Variants in PALLD observed in about 807,000 individuals in gnomAD.
PALLD encodes palladin.
Under a neutral mutation model 123.5 loss-of-function variants are expected in PALLD, and 61 were observed. The ratio of observed to expected loss-of-function variants is 0.49; its 90% CI spans 0.40 to 0.61. The LOEUF is 0.61. Ranked by LOEUF, PALLD falls within the 20% of genes least tolerant of loss-of-function variation. The pLI is 0.00. For synonymous variants in PALLD, 465 were observed against 496.4 expected, an observed-to-expected ratio of 0.94 and a Z score of 0.84; for missense variants, 1,273 against 1,377.0, an observed-to-expected ratio of 0.92 and a Z score of 1.20.
chr4:168,811,981 G>A (rs1741235314), intron 10 of PALLD, among the ~76,000 whole-genome samples: 1 of 152,128 alleles, frequency 6.6e-6, no homozygotes, highest in Admixed American at 6.5e-5. Flanking sequence ...GATAAGAAAG[G>A]TGGTTGCTAT....
chr4:168,921,410 A>AAAG (rs1761480109), intron 17 of PALLD, 124 bp from the exon 18 acceptor site: 1 of 488,168 alleles, frequency 2.0e-6, no homozygotes, highest in East Asian at 3.6e-5. Flanking sequence ...TCTGTCCAAA[A>AAAG]AAAAAAAAAA....
chr4:168,782,249 A>G (rs546252439), intron 10 of PALLD, among the ~76,000 whole-genome samples: 78 of 152,242 alleles, frequency 5.1e-4, no homozygotes, highest in African/African-American at 1.8e-3. Flanking sequence ...CTGTTAGCCA[A>G]CTCTTTTTGA....
intron 2 of PALLD, among the ~76,000 whole-genome samples, chr4:168,558,843 G>T (rs570599663): frequency 6.6e-6 from 1 of 152,126 alleles, no homozygotes; most frequent in Non-Finnish European, 1.5e-5. Context: ...AAATACCAAA[G>T]GAAGCAATAA....
chr4:168,509,738 AG>A (rs889113228), intron 1 of PALLD, among the ~76,000 whole-genome samples: 1 of 152,246 alleles, frequency 6.6e-6, no homozygotes, highest in Non-Finnish European at 1.5e-5. Context: ...GCACAAAAAA[AG>A]TAACTATCTT....
In PALLD at chr4:168,890,932, A is replaced by G. The variant is rs370768506; in HGVS notation, c.1975A>G (p.Lys659Glu). The G allele has an allele frequency of 7.4e-6, 12 of 1,613,766 alleles. No homozygotes were observed. The African/African-American group carries it at 1.2e-4, about 16-fold the overall frequency. The change falls in exon 11 of 22, where the codon AAG (lysine) becomes GAG (glutamate). Residue 659 changes from lysine to glutamate, a missense_variant. Around this residue, in one of 2 missense-constraint regions of PALLD, gnomAD observed 944 missense variants for 954.5 expected, o/e 0.99. Transcript: ENST00000505667. ...GTTTTTATCCTGCAGAGGATTTCCA[A>G]AGAAGGCCAGTAGAACTGCTAGAAT... ...LLAKPKLGFPKKASRTARIAS... is the reference protein window; with the variant it reads ...LLAKPKLGFPEKASRTARIAS...
intron 8 of PALLD, among the ~76,000 whole-genome samples, chr4:168,691,733 AC>A (rs1042025719): frequency 6.6e-6 from 1 of 151,978 alleles, no homozygotes; most frequent in African/African-American, 2.4e-5. Context: ...AGCAAAATGG[AC>A]CCCCAGGTGT....
At chr4:168,585,024 A>G (rs747600816) in intron 2 of PALLD, among the ~76,000 whole-genome samples, 1 of 152,140 alleles carries the variant, frequency 6.6e-6, no homozygotes, top group East Asian at 1.9e-4. Flanking sequence ...ATAGTTATTT[A>G]TGATAAAAAT....
intron 10 of PALLD, among the ~76,000 whole-genome samples, chr4:168,752,817 TC>T (rs1469148407): frequency 2.0e-5 from 3 of 151,872 alleles, no homozygotes; most frequent in African/African-American, 4.9e-5. Flanking sequence ...TTACTTAAAT[TC>T]CCAATGTATA....
intron 2 of PALLD, chr4:168,631,626 C>T (rs1418103018): frequency 1.2e-5 from 12 of 985,468 alleles, no homozygotes; most frequent in East Asian, 1.1e-4. Flanking sequence ...CATTCGCGCG[C>T]TGGAGACCGG....
At chr4:168,695,846 T>A (rs1783080883) in intron 8 of PALLD, among the ~76,000 whole-genome samples, 1 of 152,176 alleles carries the variant, frequency 6.6e-6, no homozygotes, top group Non-Finnish European at 1.5e-5. Context: ...AACATAACTA[T>A]TAGTTATGTC....
At chr4:168,507,427 C>T (rs889916742) in intron 1 of PALLD, 4 of 185,934 alleles carry the variant, frequency 2.2e-5, no homozygotes, top group Non-Finnish European at 3.4e-5. Context: ...GACTTGTGCC[C>T]AGTCTCCAAG....
At chr4:168,819,589 C>G (rs1456257852) in intron 10 of PALLD, among the ~76,000 whole-genome samples, 1 of 152,168 alleles carries the variant, frequency 6.6e-6, no homozygotes, top group Non-Finnish European at 1.5e-5. Context: ...TCTTTCCATG[C>G]TTTTGTTTTG....
intron 2 of PALLD, among the ~76,000 whole-genome samples, chr4:168,619,947 T>C (rs991351866): frequency 6.6e-6 from 1 of 152,144 alleles, no homozygotes; most frequent in Non-Finnish European, 1.5e-5. Flanking sequence ...GCTCTTCCAA[T>C]AGTAGTGATG....
intron 2 of PALLD, among the ~76,000 whole-genome samples, chr4:168,646,539 C>T (rs1777474343): frequency 1.3e-5 from 2 of 152,182 alleles, no homozygotes; most frequent in Non-Finnish European, 2.9e-5. Flanking sequence ...CCAATCCTAA[C>T]CCTCAAATGA....
intron 2 of PALLD, among the ~76,000 whole-genome samples, chr4:168,643,636 G>C (rs1288693323): frequency 8.5e-6 from 1 of 118,294 alleles, no homozygotes; most frequent in Non-Finnish European, 2.0e-5. Context: ...GGCTGGTTAA[G>C]AGTGTCTGAA....
rs918347803 is a variant in PALLD, at chr4:168,928,114, A to T, written c.*1934A>T. On this transcript the variant is annotated 3_prime_UTR_variant, in exon 22 of 22. Coordinates refer to ENST00000505667, the MANE Select transcript of PALLD (RefSeq NM_001166108.2). The stretch of plus-strand genomic sequence containing the variant: ...TTGAGCACCGGGTGGCAGATGTTCT[A>T]TGCAGTGTGGTTCAAGTTTCTTTGA... 4.1e-5 allele frequency: 8 copies of T among 194,048 alleles called. No homozygotes were observed. The highest frequency in any genetic ancestry group is 1.9e-4 in the African/African-American group (8 of 43,074). The allele number at this position is 194,048 out of a possible 1,614,324, so 12.0% of individuals were successfully genotyped here.
At chr4:168,921,492 GT>G in intron 17 of PALLD, 41 bp from the exon 18 acceptor site, 1 of 1,380,972 alleles carries the variant, frequency 7.2e-7, no homozygotes, top group Non-Finnish European at 1.0e-6. Context: ...ATTTCACTCT[GT>G]TTTAATACAA....
At chr4:168,834,943 A>G (rs56703036) in intron 10 of PALLD, among the ~76,000 whole-genome samples, 29,127 of 152,124 alleles carry the variant, frequency 0.19, 2,933 homozygotes, top group Middle Eastern at 0.29. Flanking sequence ...GAAGCAACTA[A>G]TTATTCCTGA....
At chr4:168,498,687 A>G (rs546970170) in intron 1 of PALLD, among the ~76,000 whole-genome samples, 2 of 152,350 alleles carry the variant, frequency 1.3e-5, no homozygotes, top group African/African-American at 4.8e-5. Context: ...AAGATTGAAC[A>G]AAGTATCTTC....
Sources: gnomAD v4.1 joint callset for allele counts (sites outside exome capture counted in the v4.1 genomes callset) on GRCh38, gnomAD v4.1.1 for gene constraint, gnomAD v4.1.1 regional missense constraint, MANE v1.5 for transcripts, NCBI Gene and HGNC (gene_info 2026-07-23, HGNC 2026-07-21) for gene names.